Variants in RALYL observed in about 807,000 individuals in gnomAD.
RALYL encodes RNA-binding Raly-like protein.
In RALYL, 29 loss-of-function variants were observed where a neutral mutation model predicts 35.1. The ratio of observed to expected loss-of-function variants is 0.83; its 90% CI spans 0.61 to 1.13. The LOEUF is 1.13. RALYL is among the 50% of genes most tolerant of loss of function. The pLI is 0.00. For synonymous variants in RALYL, 120 were observed against 127.6 expected (o/e 0.94, Z 0.40); for missense variants, 359 against 360.4 (o/e 1.00, Z 0.03).
At chr8:84,228,482 G>A (rs1042968754) in intron 1 of RALYL, among the ~76,000 whole-genome samples, 9 of 152,146 alleles carry the variant, frequency 5.9e-5, no homozygotes, top group African/African-American at 2.2e-4. Context: ...TGCAACTTTT[G>A]TATGCAGTTG....
rs780223098 is a variant in RALYL, at chr8:84,774,627, A to T, written c.305A>T (p.Asn102Ile). The part of the protein sequence containing the change: ...EPKPYRPKPG[N>I]KRPLSALYRL... Reference sequence around the variant, plus strand: ...AAACCATACAGACCAAAACCTGGAAACAAGAGGCCCCTTTCTGCACTTTAC... The same window carrying T: ...AAACCATACAGACCAAAACCTGGAATCAAGAGGCCCCTTTCTGCACTTTAC... Residue 102 changes from asparagine (N) to isoleucine (I), a missense_variant, in exon 3 of 9, where the codon AAC becomes ATC. Coordinates refer to ENST00000521268, the MANE Select transcript of RALYL (RefSeq NM_173848.7). The T allele has an allele frequency of 1.9e-6, 3 of 1,609,674 alleles. No homozygotes were observed. The South Asian group carries it at 3.3e-5, about 18-fold the overall frequency.
chr8:84,480,708 T>A (rs1419471579), intron 1 of RALYL, among the ~76,000 whole-genome samples: 1 of 152,264 alleles, frequency 6.6e-6, no homozygotes, highest in East Asian at 1.9e-4. Context: ...AGAAGCCATT[T>A]TCTGGAGATC....
chr8:84,693,113 A>T (rs893610118), intron 2 of RALYL, among the ~76,000 whole-genome samples: 1 of 151,980 alleles, frequency 6.6e-6, no homozygotes, highest in Non-Finnish European at 1.5e-5. Context: ...CAACAATAGA[A>T]AACTAATACA....
intron 2 of RALYL, among the ~76,000 whole-genome samples, chr8:84,673,536 T>C (rs1384124505): frequency 6.6e-6 from 1 of 152,198 alleles, no homozygotes; most frequent in Non-Finnish European, 1.5e-5. Flanking sequence ...TTAAAATCCA[T>C]CTTGAGTTGA....
At chr8:84,196,370 G>A (rs1815279107) in intron 1 of RALYL, among the ~76,000 whole-genome samples, 1 of 152,110 alleles carries the variant, frequency 6.6e-6, no homozygotes, top group Non-Finnish European at 1.5e-5. Flanking sequence ...AAGAAACGAT[G>A]CAAGTCATGC....
chr8:84,216,298 A>G (rs1001642644), intron 1 of RALYL, among the ~76,000 whole-genome samples: 3 of 152,284 alleles, frequency 2.0e-5, no homozygotes, highest in African/African-American at 7.2e-5. Context: ...CAGTTATACC[A>G]CCATAAGCCT....
At chr8:84,321,675 A>G (rs1844839087) in intron 1 of RALYL, among the ~76,000 whole-genome samples, 1 of 152,198 alleles carries the variant, frequency 6.6e-6, no homozygotes, top group African/African-American at 2.4e-5. Context: ...AAAACTTGGG[A>G]CATAACCAGG....
rs567039056 is a variant in RALYL at position 84,613,926 on chromosome 8, G to T, written c.256+84349G>T. Among the ~76,000 whole-genome samples the T allele has an allele frequency of 6.0e-5, 9 of 149,140 alleles. No individual in the cohort carries two copies. In the South Asian group the frequency reaches 1.7e-3, roughly 28 times the overall value. On this transcript the variant is annotated intron_variant, in intron 2 of 8. Coordinates refer to ENST00000521268, the MANE Select transcript of RALYL (RefSeq NM_173848.7). Reference sequence around the variant, plus strand: ...TTATATTTCAATGGCTACAGAACTTGTAGCCTACCAGCCACCTTCTCTCGT... The same window carrying T: ...TTATATTTCAATGGCTACAGAACTTTTAGCCTACCAGCCACCTTCTCTCGT...
chr8:84,426,816 A>T (rs948190072), intron 1 of RALYL, among the ~76,000 whole-genome samples: 2 of 152,164 alleles, frequency 1.3e-5, no homozygotes, highest in African/African-American at 4.8e-5. Flanking sequence ...AGGAATGTTG[A>T]AAAGGATGTG....
chr8:84,376,901 C>A (rs747628484), intron 1 of RALYL, among the ~76,000 whole-genome samples: 2 of 151,714 alleles, frequency 1.3e-5, no homozygotes, highest in Non-Finnish European at 2.9e-5. Flanking sequence ...ATTTACCCTA[C>A]CTGGAATACT....
chr8:84,679,366 C>A, intron 2 of RALYL: 1 of 270,930 alleles, frequency 3.7e-6, no homozygotes, highest in Non-Finnish European at 7.4e-6. Flanking sequence ...GTTGAAACCC[C>A]ACTACTTCAT....
At chr8:84,797,851 A>G (rs140702751) in intron 3 of RALYL, among the ~76,000 whole-genome samples, 3 of 152,258 alleles carry the variant, frequency 2.0e-5, no homozygotes, top group African/African-American at 7.2e-5. Flanking sequence ...TCTCTTCTTT[A>G]TTTACTTTTA....
intron 2 of RALYL, among the ~76,000 whole-genome samples, chr8:84,739,727 C>T (rs79116701): frequency 0.02 from 3,111 of 151,808 alleles, 118 homozygotes; most frequent in African/African-American, 0.071. Context: ...TTGAAAGAAA[C>T]AGATGAATCA....
intron 2 of RALYL, among the ~76,000 whole-genome samples, chr8:84,626,062 A>G (rs755424741): frequency 9.2e-5 from 14 of 152,218 alleles, no homozygotes; most frequent in Non-Finnish European, 1.9e-4. Flanking sequence ...AAAATGATAA[A>G]TATTTAGGAA....
chr8:84,527,376 G>A (rs1052703732), intron 1 of RALYL, among the ~76,000 whole-genome samples: 4 of 152,100 alleles, frequency 2.6e-5, no homozygotes, highest in East Asian at 1.9e-4. Flanking sequence ...GCAGACCACC[G>A]GGCTCTGTAA....
intron 1 of RALYL, among the ~76,000 whole-genome samples, chr8:84,371,068 C>T (rs1388101062): frequency 1.3e-5 from 2 of 151,974 alleles, no homozygotes; most frequent in African/African-American, 4.8e-5. Context: ...ATTAATTGTG[C>T]TACTTCCTTA....
intron 2 of RALYL, chr8:84,679,512 T>C: frequency 2.9e-6 from 1 of 348,416 alleles, no homozygotes; most frequent in South Asian, 2.4e-5. Flanking sequence ...GGATATTAAC[T>C]TTTACAGAAA....
chr8:84,573,609 T>C (rs1232573707), intron 2 of RALYL, among the ~76,000 whole-genome samples: 1 of 151,896 alleles, frequency 6.6e-6, no homozygotes, highest in African/African-American at 2.4e-5. Flanking sequence ...ATATGGAATT[T>C]TTTTAAGCAC....
chr8:84,361,068 T>C (rs890880659), intron 1 of RALYL, among the ~76,000 whole-genome samples: 1 of 152,022 alleles, frequency 6.6e-6, no homozygotes. Context: ...AAGAATGAAA[T>C]GATTTGGGTC....
Sources: gnomAD v4.1 joint callset for allele counts (sites outside exome capture counted in the v4.1 genomes callset) on GRCh38, gnomAD v4.1.1 for gene constraint, MANE v1.5 for transcripts, NCBI Gene and HGNC (gene_info 2026-07-23, HGNC 2026-07-21) for gene names.